Variants in ASPRV1 observed in about 807,000 individuals in gnomAD.
ASPRV1 encodes retroviral-like aspartic protease 1.
In ASPRV1, 7 loss-of-function variants were observed where a neutral mutation model predicts 11.0. The ratio of observed to expected loss-of-function variants is 0.64; its 90% CI spans 0.36 to 1.20. The LOEUF is 1.20. ASPRV1 is among the 50% of genes most tolerant of loss of function. The probability of loss-of-function intolerance (pLI) is 0.02; values close to 1 mark genes in which losing one functional copy is unlikely to be tolerated. For synonymous variants in ASPRV1, 136 were observed against 138.4 expected (o/e 0.98, Z 0.12); for missense variants, 299 against 320.0 (o/e 0.93, Z 0.50).
chr2:69,954,272 T>A, the ASPRV1 span, among the ~76,000 whole-genome samples: 1 of 152,208 alleles, frequency 6.6e-6, no homozygotes, highest in Non-Finnish European at 1.5e-5. Flanking sequence ...TCTTGCTGGC[T>A]GTGTCTGAAT....
the ASPRV1 span, among the ~76,000 whole-genome samples, chr2:70,074,083 G>A: frequency 6.7e-5 from 8 of 119,944 alleles, no homozygotes; most frequent in South Asian, 3.1e-4. Context: ...GCAGTGAGCC[G>A]AGATCTCGCC....
At chr2:70,000,089 C>T in the ASPRV1 span, among the ~76,000 whole-genome samples, 1 of 152,156 alleles carries the variant, frequency 6.6e-6, no homozygotes, top group East Asian at 1.9e-4. Context: ...GTTTGGAAAG[C>T]CTATACAGAC....
the ASPRV1 span, among the ~76,000 whole-genome samples, chr2:70,067,110 T>C: frequency 3.0e-4 from 46 of 152,358 alleles, no homozygotes; most frequent in African/African-American, 9.6e-4. Context: ...AGTACTCTTT[T>C]ATAAATTTAA....
the ASPRV1 span, among the ~76,000 whole-genome samples, chr2:70,066,789 A>G: frequency 6.6e-6 from 1 of 151,136 alleles, no homozygotes; most frequent in Non-Finnish European, 1.5e-5. Flanking sequence ...TTGTAGAGAC[A>G]TGGTCTCACT....
chr2:69,935,547 C>T, the ASPRV1 span: 1 of 864,342 alleles, frequency 1.2e-6, no homozygotes, highest in Non-Finnish European at 1.9e-6. Context: ...GGACAGTCCT[C>T]TCCCCTGAAC....
At chr2:70,072,988 C>A in the ASPRV1 span, 1 of 151,822 alleles carries the variant, frequency 6.6e-6, no homozygotes, top group African/African-American at 2.4e-5. Context: ...GGGAGGATCG[C>A]TTGTGCCAGG....
At chr2:70,061,118 G>A in the ASPRV1 span, among the ~76,000 whole-genome samples, 12 of 151,720 alleles carry the variant, frequency 7.9e-5, no homozygotes, top group African/African-American at 2.2e-4. Flanking sequence ...AGGACAGGCC[G>A]GGCACGGTGG....
At chr2:69,946,557 T>C in the ASPRV1 span, among the ~76,000 whole-genome samples, 1 of 152,220 alleles carries the variant, frequency 6.6e-6, no homozygotes, top group African/African-American at 2.4e-5. Flanking sequence ...TGAGCAATTA[T>C]AATCATTTTC....
chr2:69,992,787 A>G, the ASPRV1 span, among the ~76,000 whole-genome samples: 2 of 152,198 alleles, frequency 1.3e-5, no homozygotes, highest in Non-Finnish European at 2.9e-5. Context: ...TTTGGGAGAA[A>G]TGGTTTCATC....
chr2:70,017,254 G>C, the ASPRV1 span, among the ~76,000 whole-genome samples: 2 of 152,192 alleles, frequency 1.3e-5, no homozygotes, highest in African/African-American at 4.8e-5. Context: ...GCCTCCCAAA[G>C]TGCTGGGATT....
chr2:69,938,622 C>A, the ASPRV1 span: 1 of 197,742 alleles, frequency 5.1e-6, no homozygotes, highest in Non-Finnish European at 1.0e-5. Context: ...ACCTTTCTTC[C>A]AGTTTTCTGG....
At chr2:69,956,532 G>T (rs896391087), downstream of ASPRV1, among the ~76,000 whole-genome samples, 2 of 149,482 alleles carry the variant, frequency 1.3e-5, no homozygotes, top group Non-Finnish European at 3.0e-5. Flanking sequence ...GGAGGAGAAG[G>T]AGGAGGAGGA....
At chr2:70,067,385 G>A in the ASPRV1 span, among the ~76,000 whole-genome samples, 1 of 152,200 alleles carries the variant, frequency 6.6e-6, no homozygotes, top group Non-Finnish European at 1.5e-5. Context: ...GGATAATCTG[G>A]TCTAGAGATC....
At chr2:70,034,678 AC>A in the ASPRV1 span, among the ~76,000 whole-genome samples, 1 of 152,192 alleles carries the variant, frequency 6.6e-6, no homozygotes, top group African/African-American at 2.4e-5. Context: ...CTGCCCACAG[AC>A]ACCTCCAATA....
the ASPRV1 span, among the ~76,000 whole-genome samples, chr2:69,933,170 G>C: frequency 1.6e-5 from 2 of 127,362 alleles, no homozygotes; most frequent in Non-Finnish European, 3.1e-5. Context: ...CTGTACTCCA[G>C]CCTGGGCGAC....
chr2:70,014,235 A>T, the ASPRV1 span, among the ~76,000 whole-genome samples: 1 of 152,230 alleles, frequency 6.6e-6, no homozygotes, highest in African/African-American at 2.4e-5. Flanking sequence ...GGTGATGCAC[A>T]GAATGGGGGA....
the ASPRV1 span, among the ~76,000 whole-genome samples, chr2:69,953,694 TTC>T: frequency 7.1e-6 from 1 of 140,178 alleles, no homozygotes; most frequent in Non-Finnish European, 1.5e-5. Flanking sequence ...GGACTTAATT[TTC>T]TTTTTTTTTC....
the ASPRV1 span, among the ~76,000 whole-genome samples, chr2:70,060,340 CAAA>C: frequency 6.1e-4 from 32 of 52,720 alleles, no homozygotes; most frequent in African/African-American, 1.1e-3. Context: ...GACTCCATCT[CAAA>C]AAAAAAAAAA....
the ASPRV1 span, among the ~76,000 whole-genome samples, chr2:69,951,226 C>T: frequency 6.6e-6 from 1 of 151,676 alleles, no homozygotes; most frequent in African/African-American, 2.4e-5. Flanking sequence ...GAGATCGAGA[C>T]CATCCTGGCC....
Sources: allele counts gnomAD v4.1 joint callset (sites outside exome capture counted in the v4.1 genomes callset), GRCh38; gene constraint gnomAD v4.1.1; transcripts MANE v1.5; gene names NCBI Gene and HGNC (gene_info 2026-07-23, HGNC 2026-07-21).